Variants in PPP2R5E observed in about 807,000 individuals in gnomAD.
The protein encoded by PPP2R5E is serine/threonine-protein phosphatase 2A 56 kDa regulatory subunit epsilon isoform.
A neutral mutation model predicts 65.3 loss-of-function variants in PPP2R5E; 4 were observed. The ratio of observed to expected loss-of-function variants is 0.06; its 90% confidence interval spans 0.03 to 0.14. PPP2R5E has a LOEUF of 0.14. Among genes scored for constraint, PPP2R5E ranks in the 10% least tolerant of loss-of-function variants. The pLI, the probability that PPP2R5E is intolerant of heterozygous loss-of-function variation, is 1.00. For missense variants in PPP2R5E, 274 were observed against 556.1 expected, an observed-to-expected ratio of 0.49 and a Z score of 5.10; for synonymous variants, 183 against 187.4, an observed-to-expected ratio of 0.98 and a Z score of 0.19.
At chr14:63,447,753 T>C (rs1198988614) in intron 3 of PPP2R5E, among the ~76,000 whole-genome samples, 5 of 152,238 alleles carry the variant, frequency 3.3e-5, no homozygotes, top group Admixed American at 2.6e-4. Context: ...CTCACTAAGC[T>C]AAATCACTTC....
intron 5 of PPP2R5E, among the ~76,000 whole-genome samples, chr14:63,414,683 G>A (rs545167352): frequency 2.0e-5 from 3 of 152,270 alleles, no homozygotes; most frequent in Middle Eastern, 3.4e-3. Flanking sequence ...CTATTTTCTA[G>A]CAGTGAAATC....
intron 11 of PPP2R5E, among the ~76,000 whole-genome samples, chr14:63,388,191 A>G (rs1343555467): frequency 8.1e-5 from 12 of 147,482 alleles, no homozygotes; most frequent in Non-Finnish European, 1.6e-4. Flanking sequence ...CCCAGGCTGG[A>G]GTACAATGGC....
chr14:63,476,294 A>G (rs775046295), intron 2 of PPP2R5E, among the ~76,000 whole-genome samples: 1 of 152,038 alleles, frequency 6.6e-6, no homozygotes, highest in Non-Finnish European at 1.5e-5. Context: ...AAGGCACAAC[A>G]CTGGATCAAA....
chr14:63,378,074 C>A (rs1187631417), intron 13 of PPP2R5E, among the ~76,000 whole-genome samples: 1 of 152,192 alleles, frequency 6.6e-6, no homozygotes, highest in Non-Finnish European at 1.5e-5. Context: ...GACAAATTAT[C>A]ACTTTTTGTT....
At chr14:63,480,849 C>T (rs1890661810) in intron 2 of PPP2R5E, among the ~76,000 whole-genome samples, 1 of 152,188 alleles carries the variant, frequency 6.6e-6, no homozygotes, top group African/African-American at 2.4e-5. Context: ...TCAAAATCTT[C>T]CTTCTCTCAC....
At chr14:63,422,541 A>G (rs375176787) in intron 3 of PPP2R5E, among the ~76,000 whole-genome samples, 2 of 152,110 alleles carry the variant, frequency 1.3e-5, no homozygotes, top group African/African-American at 4.8e-5. Flanking sequence ...CCTGGCTAAC[A>G]CAGTGAAACC....
At chr14:63,429,657 T>TTTTG (rs1402435821) in intron 3 of PPP2R5E, among the ~76,000 whole-genome samples, 3 of 152,020 alleles carry the variant, frequency 2.0e-5, no homozygotes, top group South Asian at 2.1e-4. Flanking sequence ...CATCATGGTT[T>TTTTG]TTTGTTTGTT....
intron 3 of PPP2R5E, among the ~76,000 whole-genome samples, chr14:63,446,241 A>G (rs924094100): frequency 6.6e-6 from 1 of 152,128 alleles, no homozygotes; most frequent in African/African-American, 2.4e-5. Context: ...TACTCTCTCT[A>G]TTGAAGTCGA....
At chr14:63,391,788 A>G (rs1327057173) in intron 10 of PPP2R5E, 29 bp downstream of exon 10, 1 of 1,604,134 alleles carries the variant, frequency 6.2e-7, no homozygotes, top group Non-Finnish European at 8.5e-7. Context: ...TCAGTAAGCT[A>G]TGAACACTCT....
At chr14:63,492,251 T>TATTTTTAA (rs1891319408) in intron 2 of PPP2R5E, among the ~76,000 whole-genome samples, 1 of 152,100 alleles carries the variant, frequency 6.6e-6, no homozygotes, top group Non-Finnish European at 1.5e-5. Flanking sequence ...GAAAAAATAA[T>TATTTTTAA]AATGCTTTAT....
chr14:63,470,507 G>T (rs1379139267), intron 2 of PPP2R5E, among the ~76,000 whole-genome samples: 1 of 150,408 alleles, frequency 6.6e-6, no homozygotes, highest in Non-Finnish European at 1.5e-5. Flanking sequence ...TGTGGTGATT[G>T]ATTATCCTGT....
At chr14:63,523,399 G>C (rs1893047948) in intron 2 of PPP2R5E, among the ~76,000 whole-genome samples, 1 of 152,132 alleles carries the variant, frequency 6.6e-6, no homozygotes, top group South Asian at 2.1e-4. Flanking sequence ...CTGTTGATCT[G>C]TGACCTTACC....
intron 3 of PPP2R5E, among the ~76,000 whole-genome samples, chr14:63,449,303 G>A (rs764131592): frequency 1.2e-4 from 19 of 152,274 alleles, no homozygotes; most frequent in African/African-American, 3.6e-4. Flanking sequence ...TCTCAGTGAC[G>A]GAGTATTTTA....
intron 2 of PPP2R5E, among the ~76,000 whole-genome samples, chr14:63,460,311 T>G (rs756190014): frequency 2.0e-4 from 30 of 152,166 alleles, no homozygotes; most frequent in Non-Finnish European, 3.5e-4. Flanking sequence ...CATGACACAC[T>G]GGAAGGGCTG....
At chr14:63,529,486 G>A (rs566028177) in intron 2 of PPP2R5E, among the ~76,000 whole-genome samples, 6 of 151,312 alleles carry the variant, frequency 4.0e-5, no homozygotes, top group East Asian at 1.9e-4. Context: ...TCAGCCTTCC[G>A]AGTAGCTGGG....
intron 2 of PPP2R5E, among the ~76,000 whole-genome samples, chr14:63,470,461 T>C (rs1890058217): frequency 1.3e-5 from 2 of 150,022 alleles, no homozygotes; most frequent in East Asian, 3.9e-4. Context: ...TTCCATAAGT[T>C]TAAAAAAAAA....
intron 2 of PPP2R5E, among the ~76,000 whole-genome samples, chr14:63,463,412 T>A (rs1175432745): frequency 5.3e-5 from 8 of 151,500 alleles, no homozygotes; most frequent in Admixed American, 5.3e-4. Flanking sequence ...GTGCTGGGAT[T>A]ACAGGCAAGA....
At chr14:63,531,265 C>G (rs2139758342) in intron 2 of PPP2R5E, among the ~76,000 whole-genome samples, 1 of 152,262 alleles carries the variant, frequency 6.6e-6, no homozygotes, top group South Asian at 2.1e-4. Flanking sequence ...GGTATATCTC[C>G]TAATGCTATC....
intron 1 of PPP2R5E, among the ~76,000 whole-genome samples, chr14:63,540,552 T>TAA (rs779614014): frequency 3.1e-5 from 4 of 130,236 alleles, no homozygotes; most frequent in African/African-American, 8.5e-5. Flanking sequence ...CCATCTCTAA[T>TAA]AAAAAAAAAA....
Sources: allele counts gnomAD v4.1 joint callset (sites outside exome capture counted in the v4.1 genomes callset), GRCh38; gene constraint gnomAD v4.1.1; transcripts MANE v1.5; gene names NCBI Gene and HGNC (gene_info 2026-07-23, HGNC 2026-07-21).